The following CD6 variants were observed in gnomAD, a reference collection of about 807,000 sequenced individuals.
CD6 encodes T-cell differentiation antigen CD6.
CD6 carries 53 observed loss-of-function variants against 75.3 expected under a neutral mutation model. The ratio of observed to expected loss-of-function variants is 0.70; its 90% CI spans 0.56 to 0.88. CD6 has a LOEUF of 0.88. Among genes scored for constraint, CD6 ranks in the 40% least tolerant of loss-of-function variants. CD6 has a pLI of 0.00. For missense variants in CD6, 770 were observed against 897.1 expected, an observed-to-expected ratio of 0.86 and a Z score of 1.81; for synonymous variants, 359 against 381.5, an observed-to-expected ratio of 0.94 and a Z score of 0.69.
Position 60,971,879 on chromosome 11 carries a change from T to C in CD6, c.14T>C (p.Phe5Ser). ...ACAGCTCCAGACATGTGGCTCTTCTTCGGGATCACTGGATTGCTGACGGCA... is the reference window on the plus strand; with the variant it reads ...ACAGCTCCAGACATGTGGCTCTTCTCCGGGATCACTGGATTGCTGACGGCA... MWLF[F>S]GITGLLTAAL... Residue 5 changes from phenylalanine to serine, a missense_variant, in exon 1 of 13, where the codon TTC becomes TCC. By Grantham distance (155) the Phe-to-Ser change is radical. Coordinates refer to ENST00000313421, the MANE Select transcript of CD6 (RefSeq NM_006725.5). The C allele has an allele frequency of 6.2e-7, 1 of 1,614,034 alleles. No individual in the cohort carries two copies. The highest frequency in any genetic ancestry group is 8.5e-7 in the Non-Finnish European group (1 of 1,179,974).
At position 61,009,899 on chromosome 11, in the gene CD6, C is replaced by A. The variant is rs76912448; in HGVS notation, c.1084+25C>A. The A allele has an allele frequency of 8.9e-4, 1,353 of 1,520,708 alleles. 2 individuals are homozygous for A. The highest frequency in any genetic ancestry group is 1.0e-3 in the Non-Finnish European group (1,192 of 1,135,694). 94.2% of individuals were successfully genotyped at this position (1,520,708 alleles called of 1,614,324 possible). On this transcript the variant is annotated intron_variant, in intron 5 of 12. Coordinates refer to ENST00000313421, the MANE Select transcript of CD6 (RefSeq NM_006725.5). ...GGTACCCCATCCTACTCCACCCCCC[C>A]AGATTTGAGCCAGAATTCTACCTGA...
At chr11:61,003,441 G>A (rs1425556083) in intron 1 of CD6, among the ~76,000 whole-genome samples, 2 of 152,142 alleles carry the variant, frequency 1.3e-5, no homozygotes, top group African/African-American at 4.8e-5. Context: ...AGGCAAAAGT[G>A]GTAACAATGG....
chr11:60,991,460 C>T (rs1231661442), intron 1 of CD6, among the ~76,000 whole-genome samples: 1 of 151,954 alleles, frequency 6.6e-6, no homozygotes, highest in East Asian at 1.9e-4. Context: ...CCTCATCAGC[C>T]ATTTTTCTCT....
At chr11:60,994,351 G>A (rs1455363086) in intron 1 of CD6, among the ~76,000 whole-genome samples, 1 of 149,752 alleles carries the variant, frequency 6.7e-6, no homozygotes, top group Non-Finnish European at 1.5e-5. Flanking sequence ...TGAGGCAGGA[G>A]AATTGCTTGA....
intron 1 of CD6, chr11:61,004,538 G>GC (rs950664896): frequency 1.3e-5 from 2 of 152,248 alleles, no homozygotes; most frequent in African/African-American, 4.8e-5. Context: ...TGATGAAGAG[G>GC]CCCACACGGT....
chr11:61,005,872 G>A (rs188873189), intron 1 of CD6, among the ~76,000 whole-genome samples: 104 of 151,870 alleles, frequency 6.8e-4, no homozygotes, highest in Non-Finnish European at 8.4e-4. Flanking sequence ...TGGAGGTTGC[G>A]GTGAGCCGAG....
rs576834710 is a variant in CD6 at position 60,974,792 on chromosome 11, G to A, written c.49+2878G>A. 9.8e-5 allele frequency among the ~76,000 whole-genome samples: 15 copies of A among 152,312 alleles called. No homozygotes were observed. The East Asian group carries it at 1.5e-3, about 16-fold the overall frequency. On this transcript the variant is annotated intron_variant, in intron 1 of 12. Transcript: ENST00000313421. Reference sequence around the variant, plus strand: ...AGACCCCAGGTTCTGCCCTGGTCCCGTCTCTAATTCACCATTGACTGTGCT... The same window carrying A: ...AGACCCCAGGTTCTGCCCTGGTCCCATCTCTAATTCACCATTGACTGTGCT...
At chr11:61,011,678 G>A (rs1859161366) in intron 6 of CD6, among the ~76,000 whole-genome samples, 1 of 152,204 alleles carries the variant, frequency 6.6e-6, no homozygotes, top group African/African-American at 2.4e-5. Context: ...CACAGCTAGA[G>A]ATTGCTGGCC....
intron 1 of CD6, among the ~76,000 whole-genome samples, chr11:61,005,756 A>AC (rs1195386931): frequency 1.3e-5 from 2 of 152,060 alleles, no homozygotes; most frequent in Non-Finnish European, 2.9e-5. Context: ...ACATGGAGAA[A>AC]CCCCGTCTCT....
chr11:61,008,054 C>T, intron 3 of CD6, 144 bp downstream of exon 3: 1 of 494,196 alleles, frequency 2.0e-6, no homozygotes, highest in Non-Finnish European at 3.3e-6. Flanking sequence ...CACCGGGTTC[C>T]CACACCGGAG....
rs368070100 is a variant in CD6, at chr11:61,018,030, C to A, written c.1837+17C>A. 1 of 1,608,266 alleles carries A rather than the reference C, an allele frequency of 6.2e-7. No homozygotes were observed. Among genetic ancestry groups the A allele is most frequent in the Non-Finnish European group, 8.5e-7 (1 of 1,178,982 alleles). On this transcript the variant is annotated intron_variant, in intron 11 of 12. Coordinates refer to ENST00000313421, the MANE Select transcript of CD6 (RefSeq NM_006725.5). ...CCTTTTCAGGTAAGCTGTGCCTCCC[C>A]CAAACCCCCATCCCATAGCCAGCCT... is the stretch of plus-strand genomic sequence containing the variant.
chr11:60,999,926 G>A (rs1858501072), intron 1 of CD6, among the ~76,000 whole-genome samples: 2 of 152,030 alleles, frequency 1.3e-5, no homozygotes, highest in African/African-American at 4.8e-5. Flanking sequence ...GGTGGCAGGC[G>A]CCTGTAACCC....
In CD6 at chr11:61,011,071, T is replaced by G; in HGVS notation, c.1086T>G (p.Ala362=). 1 of 1,614,112 alleles carries G rather than the reference T, an allele frequency of 6.2e-7. No individual in the cohort carries two copies. Among genetic ancestry groups the G allele is most frequent in the Non-Finnish European group, 8.5e-7 (1 of 1,179,956 alleles). The part of the protein sequence containing the change: ...QSLAARVLCS[A]SRSLHNLSTP... ...TGACTGGGCGGTGCTTTCTGACAGC[T>G]TCCCGGAGTTTGCACAATCTGTCCA... Residue 362 remains alanine (A), a splice_region_variant and synonymous_variant, in exon 6 of 13, where the codon GCT becomes GCG. Transcript: ENST00000313421.
intron 1 of CD6, among the ~76,000 whole-genome samples, chr11:61,006,258 T>A (rs1858851167): frequency 3.3e-5 from 5 of 152,204 alleles, no homozygotes; most frequent in Admixed American, 3.3e-4. Context: ...AAAGATTAAG[T>A]CACCCATTCA....
chr11:61,017,413 C>T (rs925062758), intron 9 of CD6, 66 bp from the exon 10 acceptor site: 10 of 1,317,570 alleles, frequency 7.6e-6, no homozygotes, highest in Non-Finnish European at 1.1e-5. Flanking sequence ...AATCCAGCCT[C>T]TTCTCCAGGC....
Position 61,013,615 on chromosome 11 carries a change from G to A in CD6, c.1291+52G>A, listed in dbSNP as rs776613117. On this transcript the variant is annotated intron_variant, in intron 7 of 12. Transcript: ENST00000313421. ...GCCATCCCAGGGGGATGTGAGCCTTGGCAGAACCCCAGCAGCAGTGGCGTG... is the reference window on the plus strand; with the variant it reads ...GCCATCCCAGGGGGATGTGAGCCTTAGCAGAACCCCAGCAGCAGTGGCGTG... 2.0e-5 allele frequency: 32 copies of A among 1,595,080 alleles called. No individual in the cohort carries two copies. In the Admixed American group the frequency reaches 5.3e-4, roughly 26 times the overall value.
intron 1 of CD6, among the ~76,000 whole-genome samples, chr11:60,999,663 A>AC (rs1858483732): frequency 6.6e-6 from 1 of 150,680 alleles, no homozygotes. Context: ...TTTCTAACCA[A>AC]CCCCCCAATC....
In CD6 at chr11:61,016,005, C is replaced by G. The variant is rs142252382; in HGVS notation, c.1510+170C>G. ...AATGGTCCTACACTGACGTTTGCAC[C>G]GTGCTTTGTGACCCTGGGGTCATCT... On this transcript the variant is annotated intron_variant, in intron 9 of 12. Coordinates refer to ENST00000313421, the MANE Select transcript of CD6 (RefSeq NM_006725.5). Among the ~76,000 whole-genome samples, 903 of 152,356 alleles carry G rather than the reference C, an allele frequency of 5.9e-3. 8 individuals carry two copies. Among genetic ancestry groups the G allele is most frequent in the African/African-American group, 0.021 (868 of 41,576 alleles).
At chr11:61,003,249 G>C (rs2135136170) in intron 1 of CD6, among the ~76,000 whole-genome samples, 1 of 152,296 alleles carries the variant, frequency 6.6e-6, no homozygotes, top group Non-Finnish European at 1.5e-5. Context: ...ACAGGCGTGA[G>C]CCACCACGCC....
Sources: allele counts gnomAD v4.1 joint callset (sites outside exome capture counted in the v4.1 genomes callset), GRCh38; gene constraint gnomAD v4.1.1; transcripts MANE v1.5; gene names NCBI Gene and HGNC (gene_info 2026-07-23, HGNC 2026-07-21).